ANO2: variants seen among roughly 807,000 people sequenced by gnomAD.
ANO2 encodes the protein anoctamin-2.
In ANO2, 101 loss-of-function variants were observed where a neutral mutation model predicts 124.2. The ratio of observed to expected loss-of-function variants is 0.81; its 90% CI spans 0.69 to 0.96. The LOEUF (loss-of-function observed/expected upper bound fraction) is 0.96. Ranked by LOEUF, ANO2 falls within the 40% of genes least tolerant of loss-of-function variation. The pLI is 0.00. For synonymous variants in ANO2, 486 were observed against 482.5 expected (o/e 1.01, Z -0.09); for missense variants, 1,293 against 1,274.5 (o/e 1.01, Z -0.22).
intron 3 of ANO2, among the ~76,000 whole-genome samples, chr12:5,913,667 G>A (rs553795987): frequency 1.1e-4 from 17 of 152,334 alleles, no homozygotes; most frequent in African/African-American, 3.1e-4. Context: ...TAGTGGCAGC[G>A]TGACCTTGGC....
intron 4 of ANO2, among the ~76,000 whole-genome samples, chr12:5,841,928 A>G (rs7137882): frequency 0.075 from 11,463 of 152,136 alleles, 717 homozygotes; most frequent in African/African-American, 0.17. Flanking sequence ...GGAGTGCAGT[A>G]GTATGATTAT....
chr12:5,766,096 G>A (rs1951880551), intron 10 of ANO2, among the ~76,000 whole-genome samples: 1 of 152,216 alleles, frequency 6.6e-6, no homozygotes, highest in South Asian at 2.1e-4. Flanking sequence ...CTCCCACATA[G>A]TTCTGGTAAG....
At chr12:5,699,362 A>T (rs1319641927) in intron 14 of ANO2, among the ~76,000 whole-genome samples, 3 of 152,216 alleles carry the variant, frequency 2.0e-5, no homozygotes, top group Non-Finnish European at 4.4e-5. Flanking sequence ...AGGGAAGGAG[A>T]CATAAAATCC....
intron 7 of ANO2, among the ~76,000 whole-genome samples, chr12:5,821,110 T>C (rs933501732): frequency 7.2e-5 from 11 of 152,248 alleles, no homozygotes; most frequent in African/African-American, 2.4e-4. Context: ...ATTGATGACA[T>C]TATGCTGACT....
chr12:5,715,236 C>T (rs1357435884), intron 14 of ANO2, among the ~76,000 whole-genome samples: 3 of 152,226 alleles, frequency 2.0e-5, no homozygotes, highest in Admixed American at 6.5e-5. Flanking sequence ...ATACATTTTT[C>T]GGTCAATCAT....
chr12:5,741,360 T>A (rs1351834080), intron 12 of ANO2, among the ~76,000 whole-genome samples: 3 of 152,238 alleles, frequency 2.0e-5, no homozygotes, highest in Non-Finnish European at 4.4e-5. Context: ...TCATCTGACA[T>A]GACATTTTGC....
At chr12:5,698,161 C>T (rs553716610) in intron 14 of ANO2, among the ~76,000 whole-genome samples, 27 of 152,312 alleles carry the variant, frequency 1.8e-4, no homozygotes, top group Non-Finnish European at 3.2e-4. Context: ...AAGTGGGTCC[C>T]GGACTCCCGA....
At position 5,921,323 on chromosome 12, in the gene ANO2, T is replaced by C; in HGVS notation, c.251A>G (p.Glu84Gly). The change falls in exon 3 of 25, where the codon GAG becomes GGG. Residue 84 changes from glutamate (E) to glycine (G), a missense_variant. Coordinates refer to ENST00000682330, the MANE Select transcript of ANO2 (RefSeq NM_001364791.2). Reference protein sequence around the residue: ...YLDANEPVSLEARLSRMHFHD... With the variant: ...YLDANEPVSLGARLSRMHFHD... ...GAAGTGCATGCGGCTAAGACGGGCC[T>C]CCAAGGACACAGGCTCATTGGCATC... The C allele has an allele frequency of 6.2e-7, 1 of 1,613,938 alleles. No individual in the cohort carries two copies.
chr12:5,564,790 T>C (rs1043479569), intron 24 of ANO2, among the ~76,000 whole-genome samples: 1 of 152,174 alleles, frequency 6.6e-6, no homozygotes, highest in African/African-American at 2.4e-5. Flanking sequence ...CTGTCTTCTT[T>C]AGGTGAAAGA....
chr12:5,706,950 C>A (rs776518180), intron 14 of ANO2, among the ~76,000 whole-genome samples: 16 of 152,242 alleles, frequency 1.1e-4, no homozygotes, highest in Non-Finnish European at 2.1e-4. Flanking sequence ...CTACTCCCAA[C>A]TTCTGCACTT....
intron 10 of ANO2, among the ~76,000 whole-genome samples, chr12:5,797,628 A>G (rs1248289047): frequency 6.6e-6 from 1 of 152,094 alleles, no homozygotes; most frequent in Non-Finnish European, 1.5e-5. Flanking sequence ...TTGAGGTCAG[A>G]GAGTTCCTTA....
chr12:5,945,679 T>TAGCCCTGGGGCGGGAGTGGGGGCG (rs1943073136), upstream of ANO2, among the ~76,000 whole-genome samples: 1 of 152,260 alleles, frequency 6.6e-6, no homozygotes, highest in Admixed American at 6.5e-5. Flanking sequence ...GCCCAAGAGT[T>TAGCCCTGGGGCGGGAGTGGGGGCG]AGCCCTGGGG....
At chr12:5,844,853 G>A (rs12297159) in intron 4 of ANO2, among the ~76,000 whole-genome samples, 5,247 of 150,978 alleles carry the variant, frequency 0.035, 224 homozygotes, top group African/African-American at 0.1. Context: ...TTGTTTGTTT[G>A]TTTGTTTGTT....
At position 5,783,960 on chromosome 12, in the gene ANO2, C is replaced by A. The variant is rs553258518; in HGVS notation, c.1055+15547G>T. Among the ~76,000 whole-genome samples the A allele has an allele frequency of 2.0e-5, 3 of 152,298 alleles. No homozygotes were observed. The East Asian group carries it at 5.8e-4, about 29-fold the overall frequency. ...ACAACATCCTTAAAGTTTTATCTTA[C>A]CAGTTTTCTACTTAAAATCCTTCTA... On this transcript the variant is annotated intron_variant, in intron 10 of 24. Transcript: ENST00000682330.
intron 14 of ANO2, among the ~76,000 whole-genome samples, chr12:5,666,632 T>G (rs1947734018): frequency 6.6e-6 from 1 of 151,334 alleles, no homozygotes; most frequent in South Asian, 2.1e-4. Context: ...AGAACTATGC[T>G]CATTACTTAG....
Position 5,922,738 on chromosome 12 carries a change from C to A in ANO2, c.89G>T (p.Gly30Val), listed in dbSNP as rs748993446. The change falls in exon 2 of 25, where the codon GGC becomes GTC. Residue 30 changes from glycine (G) to valine (V), a missense_variant. Coordinates refer to ENST00000682330, the MANE Select transcript of ANO2 (RefSeq NM_001364791.2). The stretch of plus-strand genomic sequence containing the variant: ...GAGACACTGCTGTCCATGTTTGGGG[C>A]CCTGGCCCCCTCTGGACCCTGCCTG... ...SPQAGSRGGQ[G>V]PKHGQQCLKM... 6.3e-7 allele frequency: 1 copy of A among 1,599,240 alleles called. No individual in the cohort carries two copies. Among genetic ancestry groups the A allele is most frequent in the Non-Finnish European group, 8.5e-7 (1 of 1,173,934 alleles).
At chr12:5,875,535 AC>A (rs1220887388) in intron 3 of ANO2, among the ~76,000 whole-genome samples, 2 of 152,230 alleles carry the variant, frequency 1.3e-5, no homozygotes, top group Non-Finnish European at 2.9e-5. Flanking sequence ...ACTGGGATCA[AC>A]CAAAGAAGGC....
intron 3 of ANO2, among the ~76,000 whole-genome samples, chr12:5,883,686 C>T (rs1165637885): frequency 6.6e-6 from 1 of 152,144 alleles, no homozygotes; most frequent in African/African-American, 2.4e-5. Context: ...GCTCCTCTAC[C>T]ACCAGGAACT....
intron 16 of ANO2, among the ~76,000 whole-genome samples, chr12:5,621,918 G>C (rs144625098): frequency 1.8e-3 from 267 of 152,224 alleles, no homozygotes; most frequent in African/African-American, 5.9e-3. Flanking sequence ...TCAATAGGAT[G>C]TTTTTTCTTT....
Sources: allele counts gnomAD v4.1 joint callset (sites outside exome capture counted in the v4.1 genomes callset), GRCh38; gene constraint gnomAD v4.1.1; transcripts MANE v1.5; gene names NCBI Gene and HGNC (gene_info 2026-07-23, HGNC 2026-07-21).